WDR25: variants seen among roughly 807,000 people sequenced by gnomAD.
The protein encoded by WDR25 is WD repeat-containing protein 25.
WDR25 carries 35 observed loss-of-function variants against 47.7 expected under a neutral mutation model. The observed-to-expected ratio is 0.73, with a 90% CI of 0.56 to 0.97. WDR25 has a LOEUF of 0.97. WDR25 is among the 50% of genes least tolerant of loss of function. The probability of loss-of-function intolerance (pLI) is 0.00; values close to 1 mark genes in which losing one functional copy is unlikely to be tolerated. For synonymous variants in WDR25, 248 were observed against 278.9 expected (o/e 0.89, Z 1.10); for missense variants, 634 against 704.7 (o/e 0.90, Z 1.14).
Position 100,425,433 on chromosome 14 carries a change from G to A in WDR25, c.823-42588G>A, listed in dbSNP as rs1898139974. ...CTAAAAATTAGGGAGGCTAGGATTT[G>A]GACCTACATTTGCTATATTCCAAAG... On this transcript the variant is annotated intron_variant, in intron 2 of 6. Coordinates refer to ENST00000402312, the MANE Select transcript of WDR25 (RefSeq NM_001161476.3). This position sits in a 1 kb window ranked among gnomAD's most constrained non-coding sequence, Gnocchi z 4.8. 6.6e-6 allele frequency among the ~76,000 whole-genome samples: 1 copy of A among 152,214 alleles called. No individual in the cohort carries two copies. The highest frequency in any genetic ancestry group is 2.1e-4 in the South Asian group (1 of 4,836).
intron 2 of WDR25, among the ~76,000 whole-genome samples, chr14:100,415,692 C>T (rs1161306676): frequency 2.6e-5 from 4 of 152,194 alleles, no homozygotes; most frequent in African/African-American, 7.2e-5. Context: ...GTACAGGTAA[C>T]ACCTTGCCTT....
intron 4 of WDR25, among the ~76,000 whole-genome samples, chr14:100,486,789 T>C (rs529572909): frequency 4.6e-5 from 7 of 152,148 alleles, no homozygotes; most frequent in Admixed American, 2.6e-4. Flanking sequence ...GAATCGCAGG[T>C]GTAAGTAGGA....
chr14:100,389,677 C>T (rs978155336), intron 2 of WDR25, among the ~76,000 whole-genome samples: 4 of 152,220 alleles, frequency 2.6e-5, no homozygotes, highest in Non-Finnish European at 4.4e-5. Flanking sequence ...CAGAGGACAG[C>T]GTACCTTGAT....
At chr14:100,384,405 T>C (rs1374575914) in intron 2 of WDR25, among the ~76,000 whole-genome samples, 1 of 152,192 alleles carries the variant, frequency 6.6e-6, no homozygotes, top group South Asian at 2.1e-4. Flanking sequence ...GGAGCCAGGA[T>C]GGGAAGACAG....
intron 2 of WDR25, among the ~76,000 whole-genome samples, chr14:100,394,052 T>G (rs1485352537): frequency 6.6e-6 from 1 of 152,152 alleles, no homozygotes; most frequent in Non-Finnish European, 1.5e-5. Flanking sequence ...GTGAAACCAC[T>G]CTGTAAACGA....
intron 2 of WDR25, among the ~76,000 whole-genome samples, chr14:100,393,827 G>T (rs1388247288): frequency 1.3e-5 from 2 of 152,178 alleles, no homozygotes. Flanking sequence ...AGTGTCCTGT[G>T]GTCAGGGCCA....
rs1301436568 is a variant in WDR25 at position 100,494,856 on chromosome 14, T to A, written c.1101+10732T>A. Among the ~76,000 whole-genome samples the A allele has an allele frequency of 3.3e-5, 5 of 152,164 alleles. No homozygotes were observed. The East Asian group carries it at 7.7e-4, about 23-fold the overall frequency. On this transcript the variant is annotated intron_variant, in intron 4 of 6. Coordinates refer to ENST00000402312, the MANE Select transcript of WDR25 (RefSeq NM_001161476.3). ...AGCAGGTTAGACTCTGGCTAACTAG[T>A]TTCTCTGCAGTACAGACCTCATTAA...
chr14:100,469,629 A>G (rs544588583), intron 3 of WDR25, among the ~76,000 whole-genome samples: 175 of 152,340 alleles, frequency 1.1e-3, no homozygotes, highest in Admixed American at 3.5e-3. Flanking sequence ...AACCCCTTGC[A>G]GAGTGGCCAG....
At chr14:100,484,516 T>C (rs1900317879) in intron 4 of WDR25, among the ~76,000 whole-genome samples, 1 of 151,904 alleles carries the variant, frequency 6.6e-6, no homozygotes, top group Non-Finnish European at 1.5e-5. Context: ...GTTTGCATGC[T>C]TGCGAGAGGA....
chr14:100,502,094 C>T lies in WDR25; in HGVS notation c.1101+17970C>T, dbSNP rs373930570. 6.6e-6 allele frequency among the ~76,000 whole-genome samples: 1 copy of T among 152,192 alleles called. No homozygotes were observed. Among genetic ancestry groups the T allele is most frequent in the African/African-American group, 2.4e-5 (1 of 41,446 alleles). ...GCTCTTTGGGCTGTTTGATGGGGCT[C>T]ACACCTAGGAAGGCTGTCCTTGGAG... On this transcript the variant is annotated intron_variant, in intron 4 of 6. Coordinates refer to ENST00000402312, the MANE Select transcript of WDR25 (RefSeq NM_001161476.3). The surrounding 1 kb of genome is among the most constrained non-coding windows in gnomAD (Gnocchi z 4.5).
intron 4 of WDR25, among the ~76,000 whole-genome samples, chr14:100,521,892 A>G (rs1014422935): frequency 6.6e-6 from 1 of 152,214 alleles, no homozygotes; most frequent in South Asian, 2.1e-4. Context: ...TGGCAGCCAT[A>G]TGTAGATACC....
intron 4 of WDR25, among the ~76,000 whole-genome samples, chr14:100,519,861 T>C (rs1901650722): frequency 7.2e-6 from 1 of 139,668 alleles, no homozygotes; most frequent in Non-Finnish European, 1.5e-5. Context: ...GCTATATATA[T>C]ACTATATATA....
intron 4 of WDR25, among the ~76,000 whole-genome samples, chr14:100,486,143 T>C (rs1295185323): frequency 2.6e-5 from 4 of 151,890 alleles, no homozygotes; most frequent in Non-Finnish European, 4.4e-5. Context: ...CTGGAAACTC[T>C]TAGTCATACC....
intron 4 of WDR25, among the ~76,000 whole-genome samples, chr14:100,521,175 CAT>C (rs138576929): frequency 0.028 from 4,218 of 151,634 alleles, 171 homozygotes; most frequent in African/African-American, 0.097. Flanking sequence ...CAGACACACA[CAT>C]AGACACACAC....
intron 4 of WDR25, among the ~76,000 whole-genome samples, chr14:100,486,239 C>T (rs971645009): frequency 2.6e-5 from 4 of 152,232 alleles, no homozygotes; most frequent in East Asian, 1.9e-4. Flanking sequence ...GCCTCAAAGA[C>T]CAAACACGTA....
intron 4 of WDR25, among the ~76,000 whole-genome samples, chr14:100,524,416 G>T (rs2030012715): frequency 6.6e-6 from 1 of 152,196 alleles, no homozygotes; most frequent in South Asian, 2.1e-4. Flanking sequence ...GGCTGGTGGG[G>T]GCTGTGATAT....
Position 100,407,621 on chromosome 14 carries a change from G to A in WDR25, c.822+25875G>A, listed in dbSNP as rs1041201681. ...GCATGCAGATCAAGGAAGACCTGTA[G>A]ACTACATGCACCCTGGCGCTCTGGG... On this transcript the variant is annotated intron_variant, in intron 2 of 6. Transcript: ENST00000402312. The surrounding 1 kb of genome is among the most constrained non-coding windows in gnomAD (Gnocchi z 4.1). 2.0e-5 allele frequency: 3 copies of A among 152,220 alleles called. No individual in the cohort carries two copies. Among genetic ancestry groups the A allele is most frequent in the Non-Finnish European group, 4.4e-5 (3 of 68,058 alleles). The allele number at this position is 152,220 out of a possible 1,614,324, so 9.4% of individuals were successfully genotyped here. A position where few individuals can be genotyped will look rare whatever the true frequency, so the allele number is the denominator to read the frequency against.
chr14:100,468,388 A>G lies in WDR25; in HGVS notation c.970+220A>G, dbSNP rs912069384. Among the ~76,000 whole-genome samples the G allele has an allele frequency of 1.3e-5, 2 of 152,234 alleles. No homozygotes were observed. Among genetic ancestry groups the G allele is most frequent in the Non-Finnish European group, 2.9e-5 (2 of 68,040 alleles). On this transcript the variant is annotated intron_variant, in intron 3 of 6. Coordinates refer to ENST00000402312, the MANE Select transcript of WDR25 (RefSeq NM_001161476.3). The surrounding 1 kb of genome is among the most constrained non-coding windows in gnomAD (Gnocchi z 4.5). ...GCCTCTGCCAGCCAACACAGAGGAC[A>G]GAGCCCCAAGGTTGTCTCAGCCTCA...
chr14:100,421,770 C>T (rs1257142989), intron 2 of WDR25, among the ~76,000 whole-genome samples: 2 of 152,088 alleles, frequency 1.3e-5, no homozygotes, highest in Non-Finnish European at 2.9e-5. Flanking sequence ...ATATGTAATA[C>T]TTTTGTATTT....
Sources: gnomAD v4.1 joint callset for allele counts (sites outside exome capture counted in the v4.1 genomes callset) on GRCh38, gnomAD v4.1.1 for gene constraint, Gnocchi (gnomAD v3.1) non-coding constraint, MANE v1.5 for transcripts, NCBI Gene and HGNC (gene_info 2026-07-23, HGNC 2026-07-21) for gene names.